Variants in SCN11A observed in about 807,000 individuals in gnomAD.
SCN11A encodes sodium voltage-gated channel alpha subunit 11.
In SCN11A, 122 loss-of-function variants were observed where a neutral mutation model predicts 162.2. That is an observed-to-expected ratio of 0.75 (90% CI 0.65 to 0.87). The LOEUF is 0.87. SCN11A is among the 40% of genes least tolerant of loss of function. SCN11A has a pLI of 0.00. For synonymous variants in SCN11A, 758 were observed against 751.5 expected, an observed-to-expected ratio of 1.01 and a Z score of -0.14; for missense variants, 2,015 against 2,181.6, an observed-to-expected ratio of 0.92 and a Z score of 1.52.
intron 11 of SCN11A, among the ~76,000 whole-genome samples, chr3:38,916,625 T>C (rs1348714796): frequency 6.6e-6 from 1 of 152,180 alleles, no homozygotes; most frequent in Non-Finnish European, 1.5e-5. Flanking sequence ...TTGTCTCTGT[T>C]CCTTCCTGCT....
At chr3:38,987,656 C>T (rs1280468299) in intron 2 of SCN11A, among the ~76,000 whole-genome samples, 1 of 152,202 alleles carries the variant, frequency 6.6e-6, no homozygotes, top group Non-Finnish European at 1.5e-5. Context: ...TCGTTCTGGA[C>T]ACTGGCACTT....
In SCN11A at chr3:38,920,464, G is replaced by A. The variant is rs1000698255; in HGVS notation, c.893-463C>T. Among the ~76,000 whole-genome samples the A allele has an allele frequency of 5.1e-4, 78 of 152,122 alleles. 2 individuals carry two copies. Among genetic ancestry groups the A allele is most frequent in the Admixed American group, 5.1e-3 (78 of 15,262 alleles). On this transcript the variant is annotated intron_variant, in intron 10 of 29. Transcript: ENST00000302328. ...TCCCAGCACTTTGGGAGGCTGAGGT[G>A]GGCAGATCACGAGGTCAGGAGATGG...
intron 2 of SCN11A, among the ~76,000 whole-genome samples, chr3:38,981,129 C>T (rs146888666): frequency 1.3e-5 from 2 of 152,262 alleles, no homozygotes; most frequent in East Asian, 3.9e-4. Context: ...CTGCATTTTC[C>T]ACTAGTATGA....
chr3:38,847,330 G>T lies in SCN11A; in HGVS notation c.4740C>A (p.Ala1580=). Residue 1580 remains alanine (A), a synonymous_variant, in exon 30 of 30, where the codon GCC becomes GCA. Transcript: ENST00000302328. Reference sequence around the variant, plus strand: ...TAATGTAACTGACAAAGTAGGATGTGGCTATGCCAGGGAGGTGGCAGTTTT... The same window carrying T: ...TAATGTAACTGACAAAGTAGGATGTTGCTATGCCAGGGAGGTGGCAGTTTT... ...SSENCHLPGI[A]TSYFVSYIII... 1 of 1,614,160 alleles carries T rather than the reference G, an allele frequency of 6.2e-7. No homozygotes were observed. Among genetic ancestry groups the T allele is most frequent in the Non-Finnish European group, 8.5e-7 (1 of 1,180,016 alleles).
intron 1 of SCN11A, among the ~76,000 whole-genome samples, chr3:39,049,041 A>G (rs1405000162): frequency 6.6e-6 from 1 of 152,282 alleles, no homozygotes; most frequent in Non-Finnish European, 1.5e-5. Context: ...GAAGCTCTGC[A>G]TAAATTACAG....
chr3:38,921,224 G>A lies in SCN11A; in HGVS notation c.744C>T (p.Arg248=). The A allele has an allele frequency of 6.2e-7, 1 of 1,614,036 alleles. No individual in the cohort carries two copies. The highest frequency in any genetic ancestry group is 1.1e-5 in the South Asian group (1 of 91,082). The change falls in exon 10 of 30, where the codon CGC becomes CGT. Residue 248 remains arginine (R), a synonymous_variant. Transcript: ENST00000302328. The part of the protein sequence containing the change: ...RLKVIVGALL[R]SVKKLVNVII... ...TCACGTTGACCAGCTTCTTCACAGA[G>A]CGTAGCAAGGCCCCCACGATGACCT...
At chr3:38,977,733 G>T (rs970136496) in intron 2 of SCN11A, among the ~76,000 whole-genome samples, 1 of 152,044 alleles carries the variant, frequency 6.6e-6, no homozygotes, top group Admixed American at 6.5e-5. Flanking sequence ...CCCCTTCTGC[G>T]CTTAGCTTAC....
intron 19 of SCN11A, among the ~76,000 whole-genome samples, chr3:38,887,551 C>T (rs1486654925): frequency 1.3e-5 from 2 of 151,298 alleles, no homozygotes; most frequent in African/African-American, 2.4e-5. Flanking sequence ...CAAACCTGCA[C>T]GTTGTGCACA....
At chr3:38,917,753 C>T (rs1409594163) in intron 11 of SCN11A, among the ~76,000 whole-genome samples, 1 of 151,854 alleles carries the variant, frequency 6.6e-6, no homozygotes, top group Admixed American at 6.6e-5. Flanking sequence ...AATCTGTACA[C>T]AAATTTACCT....
intron 2 of SCN11A, among the ~76,000 whole-genome samples, chr3:38,989,680 TACTTA>T (rs991747037): frequency 6.6e-6 from 1 of 152,238 alleles, no homozygotes; most frequent in African/African-American, 2.4e-5. Flanking sequence ...TCCAGTTGCA[TACTTA>T]ACTTCTCTGA....
At chr3:38,971,958 G>A (rs1364134400) in intron 2 of SCN11A, among the ~76,000 whole-genome samples, 1 of 152,212 alleles carries the variant, frequency 6.6e-6, no homozygotes, top group Non-Finnish European at 1.5e-5. Flanking sequence ...AGGAAGGAGG[G>A]AGGCAGAGAG....
At chr3:39,012,486 C>CTTT (rs112265845) in intron 2 of SCN11A, among the ~76,000 whole-genome samples, 9,159 of 121,280 alleles carry the variant, frequency 0.076, 668 homozygotes, top group African/African-American at 0.16. Context: ...TTCTCTCTTT[C>CTTT]TTTTTTTTTT....
In SCN11A at chr3:39,031,537, A is replaced by C. The variant is rs1174171402; in HGVS notation, c.-280+843T>G. 1.0e-3 allele frequency among the ~76,000 whole-genome samples: 134 copies of C among 130,694 alleles called. 1 individual carries two copies. Among genetic ancestry groups the C allele is most frequent in the African/African-American group, 5.7e-3 (129 of 22,780 alleles). 85.7% of individuals were successfully genotyped at this position (130,694 alleles called of 152,430 possible). A position where few individuals can be genotyped will look rare whatever the true frequency, so the allele number is the denominator to read the frequency against. ...TGAGATTCTGTCAAACAAAAAACAA[A>C]CAAACAAAAAAAAAACAAACAAAGA... is the stretch of plus-strand genomic sequence containing the variant. On this transcript the variant is annotated intron_variant, in intron 2 of 29. Transcript: ENST00000302328.
At chr3:38,907,516 T>G (rs1225528820) in intron 14 of SCN11A, among the ~76,000 whole-genome samples, 2 of 151,970 alleles carry the variant, frequency 1.3e-5, no homozygotes, top group African/African-American at 4.8e-5. Context: ...TTCCCAGTGC[T>G]TCCTGGGATC....
chr3:38,984,671 C>T lies in SCN11A; in HGVS notation c.-279-24248G>A, dbSNP rs545472310. Among the ~76,000 whole-genome samples, 10 of 152,120 alleles carry T rather than the reference C, an allele frequency of 6.6e-5. No individual in the cohort carries two copies. In the East Asian group the frequency reaches 9.7e-4, roughly 15 times the overall value. ...GATTACAGGTACCTGCCACCATGCC[C>T]GGCTAATTTTTGTATTTTTAGTAGA... On this transcript the variant is annotated intron_variant, in intron 2 of 29. Transcript: ENST00000302328.
chr3:38,883,237 G>C lies in SCN11A; in HGVS notation c.3215C>G (p.Ala1072Gly). ...CACAAGACAATGATGATTTACCAGTGCCCCACTGCTCAGCAGAATCACAAA... is the reference window on the plus strand; with the variant it reads ...CACAAGACAATGATGATTTACCAGTCCCCCACTGCTCAGCAGAATCACAAA... ...IIFVILLSSG[A>G]LIFEDVHLEN... The change falls in exon 22 of 30, where the codon GCA becomes GGA. Residue 1072 changes from alanine (A) to glycine (G), a missense_variant. By Grantham distance (60) the Ala-to-Gly change is moderately conservative. Coordinates refer to ENST00000302328, the MANE Select transcript of SCN11A (RefSeq NM_001349253.2). 6.2e-7 allele frequency: 1 copy of C among 1,612,410 alleles called. No individual in the cohort carries two copies. Among genetic ancestry groups the C allele is most frequent in the South Asian group, 1.1e-5 (1 of 90,780 alleles).
chr3:38,974,694 C>CAAAAAA (rs773028321), intron 2 of SCN11A, among the ~76,000 whole-genome samples: 103 of 47,664 alleles, frequency 2.2e-3, no homozygotes, highest in African/African-American at 4.6e-3. Flanking sequence ...GACTCCGTCT[C>CAAAAAA]AAAAAAAAAA....
chr3:38,919,151 T>C (rs2066007310), intron 11 of SCN11A, among the ~76,000 whole-genome samples: 1 of 152,202 alleles, frequency 6.6e-6, no homozygotes, highest in South Asian at 2.1e-4. Context: ...ATATCATCCA[T>C]TATCAATCTA....
At chr3:38,996,966 C>G (rs1003278958) in intron 2 of SCN11A, among the ~76,000 whole-genome samples, 1 of 152,180 alleles carries the variant, frequency 6.6e-6, no homozygotes, top group Admixed American at 6.6e-5. Context: ...CTTTCTTTGC[C>G]TCCTCCTGGG....
Sources: gnomAD v4.1 joint callset for allele counts (sites outside exome capture counted in the v4.1 genomes callset) on GRCh38, gnomAD v4.1.1 for gene constraint, MANE v1.5 for transcripts, NCBI Gene and HGNC (gene_info 2026-07-23, HGNC 2026-07-21) for gene names.